Variants in TLL1 observed in about 807,000 individuals in gnomAD.
The protein encoded by TLL1 is tolloid like 1.
In TLL1, 49 loss-of-function variants were observed where a neutral mutation model predicts 128.2. That is an observed-to-expected ratio of 0.38 (90% CI 0.30 to 0.48). The LOEUF is 0.48. Among genes scored for constraint, TLL1 ranks in the 20% least tolerant of loss-of-function variants. The pLI is 0.96. For synonymous variants in TLL1, 454 were observed against 418.8 expected (o/e 1.08, Z -1.03); for missense variants, 1,123 against 1,242.0 (o/e 0.90, Z 1.44).
At chr4:166,030,343 T>C in intron 9 of TLL1, 1 of 406,264 alleles carries the variant, frequency 2.5e-6, no homozygotes, top group Non-Finnish European at 4.4e-6. Context: ...TTGCCTATGT[T>C]TAAATCAGAT....
At chr4:165,884,561 C>T (rs995931068) in intron 1 of TLL1, among the ~76,000 whole-genome samples, 11 of 152,234 alleles carry the variant, frequency 7.2e-5, no homozygotes, top group African/African-American at 2.2e-4. Flanking sequence ...TGTGGCTGGG[C>T]GCAGTGGCTC....
chr4:165,975,113 C>G (rs942861729), intron 1 of TLL1, among the ~76,000 whole-genome samples: 4 of 152,124 alleles, frequency 2.6e-5, no homozygotes, highest in Non-Finnish European at 5.9e-5. Context: ...CCCTTCTAGA[C>G]CAGTCATTAG....
At chr4:165,934,173 CTTTTTTT>C (rs779010027) in intron 1 of TLL1, among the ~76,000 whole-genome samples, 4 of 108,304 alleles carry the variant, frequency 3.7e-5, no homozygotes, top group South Asian at 6.2e-4. Flanking sequence ...TAATTTTTTG[CTTTTTTT>C]TTTTTTTTTT....
At chr4:165,934,269 C>G (rs112270431) in intron 1 of TLL1, among the ~76,000 whole-genome samples, 4,836 of 151,588 alleles carry the variant, frequency 0.032, 240 homozygotes, top group African/African-American at 0.1. Context: ...CCCGCCTCAG[C>G]CTCCCAAAGT....
intron 1 of TLL1, among the ~76,000 whole-genome samples, chr4:165,943,074 G>A (rs1106963): frequency 6.6e-6 from 1 of 151,928 alleles, no homozygotes; most frequent in Non-Finnish European, 1.5e-5. Context: ...GTCTAGGTAC[G>A]TTAAATCAAA....
At chr4:166,062,152 G>A (rs530994086) in intron 15 of TLL1, among the ~76,000 whole-genome samples, 3 of 152,294 alleles carry the variant, frequency 2.0e-5, no homozygotes, top group African/African-American at 7.2e-5. Context: ...CAGGTAGCAT[G>A]ATGCCTCCAG....
rs1259622239 is a variant in TLL1, at chr4:166,103,235, T to G, written c.*2359T>G. On this transcript the variant is annotated 3_prime_UTR_variant, in exon 21 of 21. Coordinates refer to ENST00000061240, the MANE Select transcript of TLL1 (RefSeq NM_012464.5). ...TAGTAGATTTTTTATGGTGAAACTT[T>G]CCCACATAAAGTAAATTTTAGGGGT... 1 of 151,834 alleles carries G rather than the reference T, an allele frequency of 6.6e-6. No homozygotes were observed. Among genetic ancestry groups the G allele is most frequent in the Non-Finnish European group, 1.5e-5 (1 of 67,866 alleles). 9.4% of individuals were successfully genotyped at this position (151,834 alleles called of 1,614,324 possible).
intron 14 of TLL1, 138 bp from the exon 15 acceptor site, chr4:166,059,890 C>T (rs1218904185): frequency 4.0e-6 from 4 of 997,498 alleles, no homozygotes; most frequent in East Asian, 2.4e-5. Flanking sequence ...GGAGCAGAGA[C>T]TGCCATTTCT....
intron 9 of TLL1, among the ~76,000 whole-genome samples, chr4:166,034,214 G>C (rs1448136817): frequency 6.6e-6 from 1 of 152,116 alleles, no homozygotes; most frequent in African/African-American, 2.4e-5. Context: ...CTTTAGGAAA[G>C]CTCAGATCTT....
intron 1 of TLL1, among the ~76,000 whole-genome samples, chr4:165,942,592 ATG>A (rs56769661): frequency 0.036 from 5,366 of 149,634 alleles, 287 homozygotes; most frequent in African/African-American, 0.12. Flanking sequence ...GTGTGTTTGT[ATG>A]TGTGTGTATA....
At chr4:166,096,621 G>C (rs1742035117) in intron 19 of TLL1, among the ~76,000 whole-genome samples, 1 of 152,010 alleles carries the variant, frequency 6.6e-6, no homozygotes, top group South Asian at 2.1e-4. Context: ...CACACAAAAG[G>C]CTGCCTGTAC....
chr4:166,060,137 C>T lies in TLL1; in HGVS notation c.1956C>T (p.Thr652=). Residue 652 remains threonine (T), a synonymous_variant, in exon 15 of 21, where the codon ACC becomes ACT. Coordinates refer to ENST00000061240, the MANE Select transcript of TLL1 (RefSeq NM_012464.5). The part of the protein sequence containing the change: ...KNCVWQVVAP[T]QYRISVKFEF... ...GTGTGTGGCAAGTGGTTGCACCAAC[C>T]CAGTACAGAATTTCTGTGAAGTTTG... 2 of 1,613,626 alleles carry T rather than the reference C, an allele frequency of 1.2e-6. No individual in the cohort carries two copies. Among genetic ancestry groups the T allele is most frequent in the Non-Finnish European group, 1.7e-6 (2 of 1,179,870 alleles).
intron 1 of TLL1, among the ~76,000 whole-genome samples, chr4:165,895,555 AAGATGTTAG>A (rs943675786): frequency 9.4e-5 from 14 of 149,474 alleles, no homozygotes; most frequent in Admixed American, 9.3e-4. Context: ...CAATATTGTT[AAGATGTTAG>A]AGACAATGTT....
At chr4:165,914,900 C>T (rs1243820779) in intron 1 of TLL1, among the ~76,000 whole-genome samples, 1 of 152,176 alleles carries the variant, frequency 6.6e-6, no homozygotes, top group African/African-American at 2.4e-5. Flanking sequence ...GAACAAAGGA[C>T]ATCAGATCGG....
At chr4:166,017,707 GTTTC>G (rs1446527473) in intron 8 of TLL1, among the ~76,000 whole-genome samples, 1 of 151,314 alleles carries the variant, frequency 6.6e-6, no homozygotes, top group Non-Finnish European at 1.5e-5. Flanking sequence ...CTTTTTTTAT[GTTTC>G]TTTCTCTGCC....
At chr4:166,035,977 A>G (rs2111084852) in intron 9 of TLL1, among the ~76,000 whole-genome samples, 1 of 152,302 alleles carries the variant, frequency 6.6e-6, no homozygotes, top group South Asian at 2.1e-4. Flanking sequence ...AGACTTGTGC[A>G]GGCTTCTTCT....
chr4:165,969,579 C>T (rs988731397), intron 1 of TLL1, among the ~76,000 whole-genome samples: 2 of 152,084 alleles, frequency 1.3e-5, no homozygotes, highest in Admixed American at 6.5e-5. Flanking sequence ...AAAATGTCTT[C>T]TCTTTCTTCA....
intron 1 of TLL1, among the ~76,000 whole-genome samples, chr4:165,985,586 T>A (rs1252986758): frequency 1.3e-5 from 2 of 152,034 alleles, no homozygotes; most frequent in African/African-American, 2.4e-5. Flanking sequence ...TAAAGCCTCC[T>A]TAAAGCTGAC....
At chr4:165,894,198 T>C (rs1361567735) in intron 1 of TLL1, among the ~76,000 whole-genome samples, 1 of 152,128 alleles carries the variant, frequency 6.6e-6, no homozygotes. Flanking sequence ...ATCTGTGTGA[T>C]CTAATGATCT....
Sources: allele counts gnomAD v4.1 joint callset (sites outside exome capture counted in the v4.1 genomes callset), GRCh38; gene constraint gnomAD v4.1.1; transcripts MANE v1.5; gene names NCBI Gene and HGNC (gene_info 2026-07-23, HGNC 2026-07-21).